Variants in TMEM9 observed in about 807,000 individuals in gnomAD.
TMEM9 encodes transmembrane protein 9, also known as proton-transporting V-type ATPase complex assembly regulator TMEM9.
A neutral mutation model predicts 22.8 loss-of-function variants in TMEM9; 13 were observed. The observed-to-expected ratio is 0.57, with a 90% CI of 0.37 to 0.91. The LOEUF (loss-of-function observed/expected upper bound fraction) is 0.91, where lower values mean the gene tolerates loss of function less well. Among genes scored for constraint, TMEM9 ranks in the 40% least tolerant of loss-of-function variants. TMEM9 has a pLI of 0.01. For synonymous variants in TMEM9, 88 were observed against 93.0 expected, an observed-to-expected ratio of 0.95 and a Z score of 0.31; for missense variants, 182 against 238.1, an observed-to-expected ratio of 0.76 and a Z score of 1.55.
intron 2 of TMEM9, among the ~76,000 whole-genome samples, chr1:201,150,848 G>A (rs1665368679): frequency 6.6e-6 from 1 of 152,122 alleles, no homozygotes; most frequent in East Asian, 1.9e-4. Flanking sequence ...GAGAAAGCAG[G>A]AGAGGCAGCA....
intron 2 of TMEM9, 137 bp from the exon 3 acceptor site, chr1:201,146,985 G>A: frequency 1.4e-6 from 1 of 697,842 alleles, no homozygotes; most frequent in Non-Finnish European, 2.4e-6. Context: ...GAGGGCCAAG[G>A]GCTTATAAAG....
intron 1 of TMEM9, among the ~76,000 whole-genome samples, chr1:201,152,161 GGTGTGTGT>G (rs3222916): frequency 4.7e-5 from 7 of 150,038 alleles, no homozygotes; most frequent in Admixed American, 2.0e-4. Flanking sequence ...AGGGGAAATG[GGTGTGTGT>G]GTGTGTGTGT....
intron 1 of TMEM9, among the ~76,000 whole-genome samples, chr1:201,161,000 G>T (rs977496216): frequency 2.0e-5 from 3 of 151,456 alleles, no homozygotes; most frequent in Admixed American, 1.3e-4. Context: ...ATCAATATTT[G>T]CAGTATTAAA....
intron 4 of TMEM9, among the ~76,000 whole-genome samples, chr1:201,139,265 G>C (rs1471269471): frequency 6.6e-6 from 1 of 152,184 alleles, no homozygotes; most frequent in Non-Finnish European, 1.5e-5. Context: ...ACAGGAGCAT[G>C]ACCAGGTGGT....
At chr1:201,148,159 T>C (rs1665138204) in intron 2 of TMEM9, among the ~76,000 whole-genome samples, 1 of 152,188 alleles carries the variant, frequency 6.6e-6, no homozygotes, top group African/African-American at 2.4e-5. Context: ...GGGATAAAGA[T>C]CATAGGTTCC....
intron 1 of TMEM9, among the ~76,000 whole-genome samples, chr1:201,162,767 T>A (rs1164176512): frequency 1.3e-5 from 2 of 152,184 alleles, no homozygotes; most frequent in Non-Finnish European, 1.5e-5. Flanking sequence ...ACTTTTGCTC[T>A]GTGAAAGACC....
In TMEM9 at chr1:201,152,164, GT is replaced by G. The variant is rs1558115888; in HGVS notation, c.67-313del. Among the ~76,000 whole-genome samples the G allele has an allele frequency of 4.2e-5, 3 of 71,036 alleles. No homozygotes were observed. In the African/African-American group the frequency reaches 5.7e-4, roughly 13 times the overall value. The allele number at this position is 71,036 out of a possible 152,430, so 46.6% of individuals were successfully genotyped here. On this transcript the variant is annotated intron_variant, in intron 1 of 4. Transcript: ENST00000367330. ...GGGAGAGGGATGAGGGGAAATGGGT[GT>G]GTGTGTGTGTGTGTGTGTGTGTCCT...
intron 4 of TMEM9, among the ~76,000 whole-genome samples, chr1:201,137,471 AAC>A (rs144662228): frequency 0.21 from 30,839 of 146,254 alleles, 3,185 homozygotes; most frequent in Non-Finnish European, 0.23. Flanking sequence ...CAAATTATCT[AAC>A]ACACACACAC....
At chr1:201,148,899 C>T (rs1417260295) in intron 2 of TMEM9, among the ~76,000 whole-genome samples, 5 of 152,188 alleles carry the variant, frequency 3.3e-5, no homozygotes, top group Non-Finnish European at 7.3e-5. Flanking sequence ...CTGGGAGCAG[C>T]GGAAAAAGGG....
chr1:201,154,767 G>T (rs1012899990), upstream of TMEM9, among the ~76,000 whole-genome samples: 1 of 152,146 alleles, frequency 6.6e-6, no homozygotes, highest in African/African-American at 2.4e-5. Context: ...GAAAGAAAGC[G>T]CTTTATACAC....
chr1:201,164,674 G>A (rs1192239068), intron 1 of TMEM9, among the ~76,000 whole-genome samples: 1 of 152,134 alleles, frequency 6.6e-6, no homozygotes, highest in Non-Finnish European at 1.5e-5. Context: ...GTATCCTGAG[G>A]GCTCTATCAC....
chr1:201,162,467 A>G (rs1257097368), intron 1 of TMEM9, among the ~76,000 whole-genome samples: 1 of 151,712 alleles, frequency 6.6e-6, no homozygotes, highest in Non-Finnish European at 1.5e-5. Flanking sequence ...ACAAAAGTGT[A>G]TAAGCAATGA....
intron 2 of TMEM9, among the ~76,000 whole-genome samples, chr1:201,147,780 T>G (rs12066395): frequency 0.15 from 22,557 of 152,150 alleles, 1,783 homozygotes; most frequent in Non-Finnish European, 0.18. Flanking sequence ...CATCTCTTGC[T>G]ACGCCTCCCT....
intron 1 of TMEM9, 166 bp downstream of exon 1, chr1:201,153,692 G>A: frequency 6.6e-7 from 1 of 1,517,408 alleles, no homozygotes; most frequent in Non-Finnish European, 8.9e-7. Flanking sequence ...TATCCTTAGG[G>A]AGGCCAGCAG....
chr1:201,142,813 A>G (rs2102240886), intron 4 of TMEM9, among the ~76,000 whole-genome samples: 1 of 152,304 alleles, frequency 6.6e-6, no homozygotes, highest in East Asian at 1.9e-4. Flanking sequence ...TCATGCACCC[A>G]GCTAGCTGGT....
At chr1:201,152,194 C>T (rs184912384) in intron 1 of TMEM9, among the ~76,000 whole-genome samples, 2 of 151,430 alleles carry the variant, frequency 1.3e-5, no homozygotes, top group South Asian at 2.1e-4. Flanking sequence ...GTGTCCTCTA[C>T]CCCAGACCCC....
In TMEM9 at chr1:201,149,992, A is replaced by G. The variant is rs549145401; in HGVS notation, c.158+1769T>C. Among the ~76,000 whole-genome samples the G allele has an allele frequency of 1.5e-3, 227 of 152,322 alleles. 1 individual carries two copies. Among genetic ancestry groups the G allele is most frequent in the Admixed American group, 3.3e-3 (50 of 15,306 alleles). ...AAGGCTATTCATCAAGCAGCCCCTT[A>G]ATTCTGACTTCTGAGGGGAAGAAGG... On this transcript the variant is annotated intron_variant, in intron 2 of 4. Transcript: ENST00000367330.
chr1:201,170,874 C>T lies in TMEM9; in HGVS notation c.-37+616G>A, dbSNP rs577395342. On this transcript the variant is annotated intron_variant, in intron 1 of 5. Transcript: ENST00000367333. ...CCGTCACCACCCCGTCCAGTCTCCA[C>T]CCCGGGAGGCTCCACTCCGGGTCCA... Among the ~76,000 whole-genome samples the T allele has an allele frequency of 9.5e-4, 144 of 152,328 alleles. 1 individual carries two copies. The highest frequency in any genetic ancestry group is 3.4e-3 in the African/African-American group (141 of 41,590).
At chr1:201,143,736 T>C (rs1664726568) in intron 4 of TMEM9, 84 bp downstream of exon 4, 2 of 1,453,354 alleles carry the variant, frequency 1.4e-6, no homozygotes, top group Non-Finnish European at 1.9e-6. Context: ...AGGTGGGACC[T>C]GGACCTAGGT....
Sources: allele counts gnomAD v4.1 joint callset (sites outside exome capture counted in the v4.1 genomes callset), GRCh38; gene constraint gnomAD v4.1.1; transcripts MANE v1.5; gene names NCBI Gene and HGNC (gene_info 2026-07-23, HGNC 2026-07-21).